NCKAP5: variants seen among roughly 807,000 people sequenced by gnomAD.
NCKAP5 encodes NCK associated protein 5.
A neutral mutation model predicts 167.0 loss-of-function variants in NCKAP5; 92 were observed. The ratio of observed to expected loss-of-function variants is 0.55; its 90% CI spans 0.47 to 0.66. NCKAP5 has a LOEUF of 0.66. NCKAP5 is among the 30% of genes least tolerant of loss of function. The pLI, the probability that NCKAP5 is intolerant of heterozygous loss-of-function variation, is 0.00. For missense variants in NCKAP5, 2,378 were observed against 2,315.0 expected, an observed-to-expected ratio of 1.03 and a Z score of -0.56; for synonymous variants, 891 against 877.4, an observed-to-expected ratio of 1.02 and a Z score of -0.27.
chr2:133,385,361 A>C (rs895662727), intron 3 of NCKAP5, among the ~76,000 whole-genome samples: 2 of 152,034 alleles, frequency 1.3e-5, no homozygotes, highest in Admixed American at 1.3e-4. Flanking sequence ...TTTGATTTGC[A>C]TATGTTGAAC....
intron 19 of NCKAP5, among the ~76,000 whole-genome samples, chr2:132,697,304 C>T (rs1156248652): frequency 1.3e-5 from 2 of 152,188 alleles, no homozygotes; most frequent in Non-Finnish European, 2.9e-5. Context: ...TTCACACACC[C>T]CTGATAAGTG....
intron 8 of NCKAP5, 41 bp downstream of exon 8, chr2:132,963,679 T>A (rs1352364790): frequency 6.3e-7 from 1 of 1,596,760 alleles, no homozygotes; most frequent in Non-Finnish European, 8.6e-7. Context: ...CAGAATACTG[T>A]TATTTTTCTT....
chr2:133,059,326 T>C (rs1468434608), intron 6 of NCKAP5, among the ~76,000 whole-genome samples: 2 of 152,094 alleles, frequency 1.3e-5, no homozygotes, highest in African/African-American at 4.8e-5. Context: ...TATTCTGATA[T>C]GCTAAAGGCC....
intron 16 of NCKAP5, among the ~76,000 whole-genome samples, chr2:132,748,484 A>G (rs966369101): frequency 6.6e-6 from 1 of 152,194 alleles, no homozygotes; most frequent in African/African-American, 2.4e-5. Flanking sequence ...TTTTCTATAA[A>G]TGGAGTAATT....
At chr2:132,978,241 C>T (rs1009493600) in intron 7 of NCKAP5, among the ~76,000 whole-genome samples, 1 of 152,182 alleles carries the variant, frequency 6.6e-6, no homozygotes, top group Non-Finnish European at 1.5e-5. Flanking sequence ...CTGTGGTTCC[C>T]ATGACAAATG....
chr2:133,082,019 G>A (rs1361599559), intron 6 of NCKAP5, among the ~76,000 whole-genome samples: 2 of 151,890 alleles, frequency 1.3e-5, no homozygotes, highest in Non-Finnish European at 2.9e-5. Flanking sequence ...GTGGTTTTTC[G>A]ATCCTCTCCC....
chr2:133,300,630 A>T lies in NCKAP5; in HGVS notation c.143+2407T>A, dbSNP rs1395134023. Among the ~76,000 whole-genome samples the T allele has an allele frequency of 5.3e-5, 7 of 132,190 alleles. No individual in the cohort carries two copies. The East Asian group carries it at 1.4e-3, about 26-fold the overall frequency. 86.7% of individuals were successfully genotyped at this position (132,190 alleles called of 152,430 possible). On this transcript the variant is annotated intron_variant, in intron 4 of 19. Coordinates refer to ENST00000409261, the MANE Select transcript of NCKAP5 (RefSeq NM_207363.3). ...ATTAGGTATTGATGGGACGTATTTC[A>T]AAATAATAAGAGCTATCTATGACAA...
At chr2:133,151,606 A>G (rs2083388667) in intron 5 of NCKAP5, among the ~76,000 whole-genome samples, 1 of 152,176 alleles carries the variant, frequency 6.6e-6, no homozygotes, top group African/African-American at 2.4e-5. Context: ...CAAAATCCAA[A>G]ACACTGACAA....
At chr2:133,452,514 G>C (rs1691611790) in intron 3 of NCKAP5, among the ~76,000 whole-genome samples, 1 of 152,182 alleles carries the variant, frequency 6.6e-6, no homozygotes, top group African/African-American at 2.4e-5. Context: ...AATTTCATTT[G>C]TAACTATGCT....
intron 3 of NCKAP5, among the ~76,000 whole-genome samples, chr2:133,356,351 G>T (rs1397156771): frequency 1.3e-5 from 2 of 152,126 alleles, no homozygotes; most frequent in Non-Finnish European, 2.9e-5. Context: ...TGTGTATTGG[G>T]GCCCTGTCTG....
the NCKAP5 span, among the ~76,000 whole-genome samples, chr2:133,625,209 T>C: frequency 0.14 from 20,960 of 152,202 alleles, 2,062 homozygotes; most frequent in African/African-American, 0.27. Context: ...AATATAGGTG[T>C]AATACCATTA....
At chr2:132,937,359 C>T (rs16843889) in intron 8 of NCKAP5, among the ~76,000 whole-genome samples, 3,950 of 152,312 alleles carry the variant, frequency 0.026, 136 homozygotes, top group African/African-American at 0.076. Flanking sequence ...TGTTTACTAA[C>T]TGTGTTCATT....
intron 3 of NCKAP5, among the ~76,000 whole-genome samples, chr2:133,319,460 T>C (rs1031237994): frequency 6.7e-6 from 1 of 150,154 alleles, no homozygotes; most frequent in Non-Finnish European, 1.5e-5. Context: ...GGATGTTACC[T>C]TTTTTTTTAA....
the NCKAP5 span, among the ~76,000 whole-genome samples, chr2:133,612,630 C>G: frequency 2.0e-5 from 3 of 152,080 alleles, no homozygotes; most frequent in African/African-American, 7.2e-5. Context: ...TGTAAATGTT[C>G]TTTCTGGGGG....
At chr2:133,628,426 T>C in the NCKAP5 span, among the ~76,000 whole-genome samples, 1 of 152,066 alleles carries the variant, frequency 6.6e-6, no homozygotes. Context: ...TTCAGCAATA[T>C]AGCTAACAAG....
intron 6 of NCKAP5, among the ~76,000 whole-genome samples, chr2:133,054,365 T>A (rs546785564): frequency 3.0e-4 from 46 of 152,134 alleles, no homozygotes; most frequent in Non-Finnish European, 4.9e-4. Context: ...GGCACAACGT[T>A]CTATGAGAGA....
the NCKAP5 span, among the ~76,000 whole-genome samples, chr2:133,651,652 C>T: frequency 6.6e-6 from 1 of 152,150 alleles, no homozygotes; most frequent in African/African-American, 2.4e-5. Flanking sequence ...ACCCAGCAAT[C>T]CCACTTTTCT....
At chr2:133,197,985 G>C (rs2085514399) in intron 5 of NCKAP5, among the ~76,000 whole-genome samples, 1 of 151,984 alleles carries the variant, frequency 6.6e-6, no homozygotes, top group African/African-American at 2.4e-5. Flanking sequence ...AAAGCGGAAA[G>C]ATAGAATGTC....
chr2:133,310,981 G>C (rs1355729030), intron 3 of NCKAP5, among the ~76,000 whole-genome samples: 4 of 152,188 alleles, frequency 2.6e-5, no homozygotes, highest in Non-Finnish European at 5.9e-5. Flanking sequence ...GACAGCAGAT[G>C]AATGGGAATT....
Sources: allele counts gnomAD v4.1 joint callset (sites outside exome capture counted in the v4.1 genomes callset), GRCh38; gene constraint gnomAD v4.1.1; transcripts MANE v1.5; gene names NCBI Gene and HGNC (gene_info 2026-07-23, HGNC 2026-07-21).